EMG1: variants seen among roughly 807,000 people sequenced by gnomAD.
EMG1 encodes the protein ribosomal RNA small subunit methyltransferase NEP1.
EMG1 carries 24 observed loss-of-function variants against 26.9 expected under a neutral mutation model. The observed-to-expected ratio is 0.89, with a 90% confidence interval of 0.65 to 1.26. The LOEUF is 1.26. Ranked by LOEUF, EMG1 falls within the 50% of genes most tolerant of loss-of-function variation. The pLI is 0.00. For missense variants in EMG1, 299 were observed against 307.6 expected (o/e 0.97, Z 0.21); for synonymous variants, 140 against 112.6 (o/e 1.24, Z -1.54).
At chr12:6,982,737 A>G, downstream of EMG1, 1 of 1,614,076 alleles carries the variant, frequency 6.2e-7, no homozygotes, top group Non-Finnish European at 8.5e-7. Flanking sequence ...TCGAAGGATG[A>G]GGAACTGAAG....
At position 6,974,797 on chromosome 12, in the gene EMG1, A is replaced by G; in HGVS notation, c.412+104A>G. On this transcript the variant is annotated intron_variant, in intron 3 of 5. Coordinates refer to ENST00000599672, the MANE Select transcript of EMG1 (RefSeq NM_006331.8). ...GTGGATTTTTAAGCGAGAAAATGGG[A>G]GAACAACATGATTAATACCAGGACA... The G allele has an allele frequency of 8.2e-6, 10 of 1,218,984 alleles. No homozygotes were observed. The South Asian group carries it at 1.3e-4, about 16-fold the overall frequency. The allele number at this position is 1,218,984 out of a possible 1,614,324, so 75.5% of individuals were successfully genotyped here. A position where few individuals can be genotyped will look rare whatever the true frequency, so the allele number is the denominator to read the frequency against.
At position 6,975,376 on chromosome 12, in the gene EMG1, A is replaced by G; in HGVS notation, c.619A>G (p.Lys207Glu). The G allele has an allele frequency of 6.3e-7, 1 of 1,596,086 alleles. No homozygotes were observed. Among genetic ancestry groups the G allele is most frequent in the Non-Finnish European group, 8.5e-7 (1 of 1,170,538 alleles). Residue 207 changes from lysine to glutamate, a missense_variant and splice_region_variant, in exon 5 of 6, where the codon AAG becomes GAG. Lys to Glu is a moderately conservative substitution (Grantham distance 56). Coordinates refer to ENST00000599672, the MANE Select transcript of EMG1 (RefSeq NM_006331.8). ...TGTGGTAGGGGCCTTTGCCCATGGCAAGGTAAGGTCTGGGCTCAACCCTGA... is the reference window on the plus strand; with the variant it reads ...TGTGGTAGGGGCCTTTGCCCATGGCGAGGTAAGGTCTGGGCTCAACCCTGA... ...VFVVGAFAHG[K>E]VSVEYTEKMV... is the part of the protein sequence containing the mutation.
chr12:6,975,795 T>C lies in EMG1; in HGVS notation c.721T>C (p.Trp241Arg). The C allele has an allele frequency of 6.2e-7, 1 of 1,605,448 alleles. No individual in the cohort carries two copies. Among genetic ancestry groups the C allele is most frequent in the Non-Finnish European group, 8.5e-7 (1 of 1,172,208 alleles). Residue 241 changes from tryptophan to arginine, a missense_variant, in exon 6 of 6, where the codon TGG becomes CGG. Trp to Arg is a moderately radical substitution (Grantham distance 101). Coordinates refer to ENST00000599672, the MANE Select transcript of EMG1 (RefSeq NM_006331.8). ...AKLTTAFEEV[W>R]GVI ...ACTTACCACAGCCTTTGAGGAAGTA[T>C]GGGGGGTCATTTGACAGTAGTAGAA...
chr12:6,983,517 A>G (rs1413997954), downstream of EMG1: 2 of 1,611,454 alleles, frequency 1.2e-6, no homozygotes, highest in African/African-American at 1.3e-5. Context: ...GGTAATGCCG[A>G]TAAAACAAAG....
At chr12:6,981,677 C>G, downstream of EMG1, 1 of 1,456,618 alleles carries the variant, frequency 6.9e-7, no homozygotes, top group South Asian at 1.1e-5. Context: ...GGAGAGGACA[C>G]TGAGGATGTG....
chr12:6,975,711 A>G lies in EMG1; in HGVS notation c.637A>G (p.Thr213Ala). The change falls in exon 6 of 6, where the codon ACA (threonine) becomes GCA (alanine). Residue 213 changes from threonine to alanine, a missense_variant. Transcript: ENST00000599672. ...CTTTTCTTAGGTCAGTGTGGAGTAT[A>G]CAGAGAAGATGGTGTCCATCAGTAA... is the stretch of plus-strand genomic sequence containing the variant. ...FAHGKVSVEY[T>A]EKMVSISNYP... The G allele has an allele frequency of 6.2e-7, 1 of 1,610,142 alleles. No individual in the cohort carries two copies. Among genetic ancestry groups the G allele is most frequent in the East Asian group, 2.2e-5 (1 of 44,880 alleles).
rs782080669 is a variant in EMG1, at chr12:6,975,153, G to A, written c.471+5G>A. On this transcript the variant is annotated splice_donor_5th_base_variant and intron_variant, in intron 4 of 5. Coordinates refer to ENST00000599672, the MANE Select transcript of EMG1 (RefSeq NM_006331.8). ...GGCCCCCAGAAGCTTTTGAAGGTGA[G>A]GTATTGAAACCTGTTAGTTGAAGGC... 5 of 1,614,026 alleles carry A rather than the reference G, an allele frequency of 3.1e-6. No individual in the cohort carries two copies. Among genetic ancestry groups the A allele is most frequent in the South Asian group, 2.2e-5 (2 of 91,084 alleles).
rs1215083658 is a variant in EMG1, at chr12:6,975,889, T to G, written c.*80T>G. ...CTGGTCTGAGCTGACTGCTGGAAGA[T>G]GATCTTTCTGCACTGAGACTGTGGA... On this transcript the variant is annotated 3_prime_UTR_variant, in exon 6 of 6. Transcript: ENST00000599672. 6 of 842,322 alleles carry G rather than the reference T, an allele frequency of 7.1e-6. No individual in the cohort carries two copies. The African/African-American group carries it at 1.0e-4, about 14-fold the overall frequency. The allele number at this position is 842,322 out of a possible 1,614,324, so 52.2% of individuals were successfully genotyped here. A position where few individuals can be genotyped will look rare whatever the true frequency, so the allele number is the denominator to read the frequency against.
At chr12:6,982,644 G>T, downstream of EMG1, 1 of 1,526,558 alleles carries the variant, frequency 6.6e-7, no homozygotes, top group Non-Finnish European at 9.1e-7. Flanking sequence ...GCTGTCAGCT[G>T]TAGCCTGAGC....
chr12:6,989,314 T>G (rs890536364), downstream of EMG1, among the ~76,000 whole-genome samples: 7 of 90,174 alleles, frequency 7.8e-5, no homozygotes, highest in Non-Finnish European at 1.4e-4. Flanking sequence ...AAAATGCGTG[T>G]TTTTTTTTTT....
downstream of EMG1, chr12:6,981,724 G>A (rs993399811): frequency 2.1e-6 from 3 of 1,401,600 alleles, no homozygotes; most frequent in African/African-American, 4.3e-5. Flanking sequence ...TGTATGGCGG[G>A]GGGCGGAGGG....
intron 1 of EMG1, among the ~76,000 whole-genome samples, chr12:6,973,830 C>T (rs1390351369): frequency 6.6e-6 from 1 of 152,268 alleles, no homozygotes; most frequent in Non-Finnish European, 1.5e-5. Context: ...GCGTGAGCCA[C>T]CACGCCCGGC....
In EMG1 at chr12:6,979,859, A is replaced by G. The variant is rs1946451830; in HGVS notation, c.*4050A>G. ...CCCCTCAGGGATGCTACTGATCTCA[A>G]GGTCTTGCCAGGTCTCACAATCTCC... On this transcript the variant is annotated 3_prime_UTR_variant, in exon 6 of 6. Coordinates refer to ENST00000599672, the MANE Select transcript of EMG1 (RefSeq NM_006331.8). 2.6e-6 allele frequency: 1 copy of G among 380,762 alleles called. No individual in the cohort carries two copies. Among genetic ancestry groups the G allele is most frequent in the Non-Finnish European group, 4.8e-6 (1 of 208,718 alleles). 23.6% of individuals were successfully genotyped at this position (380,762 alleles called of 1,614,324 possible).
intron 1 of EMG1, among the ~76,000 whole-genome samples, chr12:6,973,004 ATTTTT>A (rs11462026): frequency 7.3e-6 from 1 of 137,594 alleles, no homozygotes; most frequent in Non-Finnish European, 1.6e-5. Flanking sequence ...CGCCTGGCTA[ATTTTT>A]TTTTTTTTTT....
chr12:6,981,197 G>A, downstream of EMG1: 1 of 1,597,074 alleles, frequency 6.3e-7, no homozygotes, highest in Non-Finnish European at 8.5e-7. Context: ...GCCAAGAAGA[G>A]AATGCATGGT....
chr12:6,972,850 C>CT (rs1565593464), intron 1 of EMG1, among the ~76,000 whole-genome samples: 1 of 151,874 alleles, frequency 6.6e-6, no homozygotes, highest in Non-Finnish European at 1.5e-5. Flanking sequence ...TTTTTTGTTT[C>CT]TTTTTTGAGA....
rs375550369 is a variant in EMG1, at chr12:6,979,493, T to C, written c.*3684T>C. 23 of 1,613,210 alleles carry C rather than the reference T, an allele frequency of 1.4e-5. No homozygotes were observed. The highest frequency in any genetic ancestry group is 1.9e-5 in the Non-Finnish European group (22 of 1,179,268). Reference sequence around the variant, plus strand: ...CACGTCATAGTCTTCAGTGAGGAGATAGTCTTCTGTGATGTGGGGGCTGAG... The same window carrying C: ...CACGTCATAGTCTTCAGTGAGGAGACAGTCTTCTGTGATGTGGGGGCTGAG... On this transcript the variant is annotated 3_prime_UTR_variant, in exon 6 of 6. Coordinates refer to ENST00000599672, the MANE Select transcript of EMG1 (RefSeq NM_006331.8).
rs1182689641 is a variant in EMG1 at position 6,974,746 on chromosome 12, A to G, written c.412+53A>G. ...TGAACTTGTCAGTAGGGAAGAAGGG[A>G]GGAAGAGGAAAAGGGAGAACTAAAT... On this transcript the variant is annotated intron_variant, in intron 3 of 5. Transcript: ENST00000599672. 6.9e-6 allele frequency: 11 copies of G among 1,592,280 alleles called. No homozygotes were observed. The African/African-American group carries it at 1.3e-4, about 19-fold the overall frequency.
At chr12:6,982,800 G>C (rs781841836), downstream of EMG1, 1 of 1,557,408 alleles carries the variant, frequency 6.4e-7, no homozygotes, top group South Asian at 1.1e-5. Flanking sequence ...CAAGAAGAGA[G>C]AATTTAGCCT....
Sources: gnomAD v4.1 joint callset for allele counts (sites outside exome capture counted in the v4.1 genomes callset) on GRCh38, gnomAD v4.1.1 for gene constraint, MANE v1.5 for transcripts, NCBI Gene and HGNC (gene_info 2026-07-23, HGNC 2026-07-21) for gene names.